EPHA6: variants seen among roughly 807,000 people sequenced by gnomAD.
EPHA6 encodes ephrin type-A receptor 6.
A neutral mutation model predicts 112.0 loss-of-function variants in EPHA6; 50 were observed. The observed-to-expected ratio is 0.45, with a 90% confidence interval of 0.36 to 0.56. EPHA6 has a LOEUF of 0.56. Ranked by LOEUF, EPHA6 falls within the 20% of genes least tolerant of loss-of-function variation. The pLI, the probability that EPHA6 is intolerant of heterozygous loss-of-function variation, is 0.00. For missense variants in EPHA6, 1,280 were observed against 1,417.4 expected, an observed-to-expected ratio of 0.90 and a Z score of 1.56; for synonymous variants, 529 against 490.7, an observed-to-expected ratio of 1.08 and a Z score of -1.03.
intron 11 of EPHA6, among the ~76,000 whole-genome samples, chr3:97,563,845 G>A (rs1304045464): frequency 3.3e-5 from 5 of 152,068 alleles, no homozygotes; most frequent in Admixed American, 2.0e-4. Context: ...AACAAATAAT[G>A]TTTATTTAAG....
intron 5 of EPHA6, among the ~76,000 whole-genome samples, chr3:97,265,643 C>T (rs556452219): frequency 1.8e-4 from 28 of 152,290 alleles, no homozygotes; most frequent in African/African-American, 6.7e-4. Context: ...CAGAGAAGCC[C>T]GGGTCCTCTG....
intron 14 of EPHA6, among the ~76,000 whole-genome samples, chr3:97,672,397 A>C (rs2030935497): frequency 6.6e-6 from 1 of 152,070 alleles, no homozygotes; most frequent in South Asian, 2.1e-4. Flanking sequence ...GTTCTGAAAA[A>C]TTAGTGGTTT....
chr3:97,106,047 C>T (rs1422502037), intron 3 of EPHA6, among the ~76,000 whole-genome samples: 1 of 151,946 alleles, frequency 6.6e-6, no homozygotes, highest in Non-Finnish European at 1.5e-5. Context: ...GGTGTTATTG[C>T]ATTTGAGATG....
chr3:97,234,667 T>A (rs1337984378), intron 4 of EPHA6, among the ~76,000 whole-genome samples: 1 of 152,178 alleles, frequency 6.6e-6, no homozygotes, highest in Non-Finnish European at 1.5e-5. Flanking sequence ...CTGATCATTT[T>A]GTTTATCACC....
chr3:97,620,722 C>T (rs189986548), intron 13 of EPHA6, among the ~76,000 whole-genome samples: 1 of 152,136 alleles, frequency 6.6e-6, no homozygotes, highest in Non-Finnish European at 1.5e-5. Flanking sequence ...GTTACCATCT[C>T]ACACCAGTCA....
Position 97,153,040 on chromosome 3 carries a change from C to T in EPHA6, c.1115-73224C>T, listed in dbSNP as rs2076205799. ...ATAGGCACAGGTAATAAAGGGTCAC[C>T]TCTGTTATACCTAGTAAAAATGTTA... On this transcript the variant is annotated intron_variant, in intron 3 of 17. Transcript: ENST00000389672. Among the ~76,000 whole-genome samples, 2 of 151,992 alleles carry T rather than the reference C, an allele frequency of 1.3e-5. 1 individual carries two copies. Among genetic ancestry groups the T allele is most frequent in the South Asian group, 4.1e-4 (2 of 4,826 alleles).
At chr3:97,183,914 T>A (rs1380028019) in intron 3 of EPHA6, among the ~76,000 whole-genome samples, 1 of 152,148 alleles carries the variant, frequency 6.6e-6, no homozygotes, top group Non-Finnish European at 1.5e-5. Context: ...CTTCCTTAGT[T>A]CTGTGTTACA....
rs553984282 is a variant in EPHA6 at position 97,504,599 on chromosome 3, C to A, written c.2200+20540C>A. Among the ~76,000 whole-genome samples the A allele has an allele frequency of 1.1e-4, 17 of 152,218 alleles. No homozygotes were observed. In the South Asian group the frequency reaches 2.3e-3, roughly 20 times the overall value. On this transcript the variant is annotated intron_variant, in intron 10 of 17. Transcript: ENST00000389672. ...CCTGTGTAGCCCTTCTTTAGCCAAG[C>A]CACACTGTGCAAGTTCTCTCATCTG...
chr3:97,473,601 T>C (rs929909753), intron 7 of EPHA6, among the ~76,000 whole-genome samples: 1 of 151,856 alleles, frequency 6.6e-6, no homozygotes, highest in Non-Finnish European at 1.5e-5. Context: ...GATACAACAG[T>C]TTTTAAGTAA....
chr3:97,637,869 G>A lies in EPHA6; in HGVS notation c.2575-4G>A, dbSNP rs2093962658. ...CAATTTACACAATTGTGATTCTCTTGCAGAAGCATGATGGCCACTTCACAG... is the reference window on the plus strand; with the variant it reads ...CAATTTACACAATTGTGATTCTCTTACAGAAGCATGATGGCCACTTCACAG... On this transcript the variant is annotated splice_polypyrimidine_tract_variant and splice_region_variant and intron_variant, in intron 13 of 17. Transcript: ENST00000389672. The A allele has an allele frequency of 6.2e-7, 1 of 1,612,278 alleles. No individual in the cohort carries two copies. The highest frequency in any genetic ancestry group is 8.5e-7 in the Non-Finnish European group (1 of 1,178,400).
At chr3:97,538,062 C>T (rs1400462378) in intron 11 of EPHA6, among the ~76,000 whole-genome samples, 6 of 152,206 alleles carry the variant, frequency 3.9e-5, no homozygotes, top group African/African-American at 1.2e-4. Flanking sequence ...TAGTTACATA[C>T]TTTTGTTTTA....
chr3:97,226,324 C>T lies in EPHA6; in HGVS notation c.1175C>T (p.Pro392Leu). ...AGNTKCSKCP[P>L]HSLTYMEATS... ...AACACAAAATGTTCTAAATGTCCTC[C>T]ACACAGTTTAACATACATGGAAGCA... Residue 392 changes from proline to leucine, a missense_variant, in exon 4 of 18, where the codon CCA becomes CTA. Pro to Leu is a moderately conservative substitution (Grantham distance 98). Around this residue, in one of 4 missense-constraint regions of EPHA6, gnomAD observed 878 missense variants for 999.7 expected, o/e 0.88. Coordinates refer to ENST00000389672, the MANE Select transcript of EPHA6 (RefSeq NM_001080448.3). The T allele has an allele frequency of 6.2e-7, 1 of 1,613,676 alleles. No homozygotes were observed. Among genetic ancestry groups the T allele is most frequent in the Non-Finnish European group, 8.5e-7 (1 of 1,179,688 alleles).
At chr3:97,555,224 T>G (rs1439933421) in intron 11 of EPHA6, among the ~76,000 whole-genome samples, 2 of 152,078 alleles carry the variant, frequency 1.3e-5, no homozygotes, top group Non-Finnish European at 2.9e-5. Flanking sequence ...AATGATGATT[T>G]CCAATTTCAT....
In EPHA6 at chr3:97,527,243, G is replaced by T. The variant is rs562492896; in HGVS notation, c.2201-5115G>T. Among the ~76,000 whole-genome samples the T allele has an allele frequency of 2.0e-3, 300 of 152,190 alleles. 1 individual carries two copies. The highest frequency in any genetic ancestry group is 6.8e-3 in the Middle Eastern group (2 of 294). ...GTAACTAAACCCTTTGGAAAATGGG[G>T]TTATTTATGGGTCTGAAGCTGGGTC... On this transcript the variant is annotated intron_variant, in intron 10 of 17. Coordinates refer to ENST00000389672, the MANE Select transcript of EPHA6 (RefSeq NM_001080448.3).
intron 2 of EPHA6, among the ~76,000 whole-genome samples, chr3:96,880,663 C>G (rs769010386): frequency 6.6e-6 from 1 of 152,072 alleles, no homozygotes; most frequent in African/African-American, 2.4e-5. Flanking sequence ...CACCCCATAT[C>G]CATTAATCTG....
chr3:96,967,663 A>G (rs2042173414), intron 2 of EPHA6, among the ~76,000 whole-genome samples: 1 of 151,534 alleles, frequency 6.6e-6, no homozygotes, highest in Admixed American at 6.6e-5. Flanking sequence ...CTTTTTAACA[A>G]CATAGAATTG....
At chr3:97,509,772 G>A (rs1162029713) in intron 10 of EPHA6, among the ~76,000 whole-genome samples, 1 of 152,162 alleles carries the variant, frequency 6.6e-6, no homozygotes, top group Non-Finnish European at 1.5e-5. Flanking sequence ...ATAATATCCT[G>A]AAGAGTGTTT....
intron 14 of EPHA6, among the ~76,000 whole-genome samples, chr3:97,657,064 G>C (rs533792501): frequency 6.6e-6 from 1 of 151,890 alleles, no homozygotes; most frequent in South Asian, 2.1e-4. Flanking sequence ...CATAATTTAG[G>C]CCTGGTCCTT....
At chr3:97,603,021 G>A (rs1195047399) in intron 12 of EPHA6, among the ~76,000 whole-genome samples, 2 of 151,820 alleles carry the variant, frequency 1.3e-5, no homozygotes, top group African/African-American at 4.8e-5. Context: ...CAAAAGATAT[G>A]CTTTTAATTT....
Sources: allele counts gnomAD v4.1 joint callset (sites outside exome capture counted in the v4.1 genomes callset), GRCh38; gene constraint gnomAD v4.1.1; regional missense constraint gnomAD v4.1.1; transcripts MANE v1.5; gene names NCBI Gene and HGNC (gene_info 2026-07-23, HGNC 2026-07-21).